The following AQR variants were observed in gnomAD, a reference collection of about 807,000 sequenced individuals.
AQR encodes the protein aquarius intron-binding spliceosomal factor, also known as RNA helicase aquarius.
A neutral mutation model predicts 180.5 loss-of-function variants in AQR; 61 were observed. The ratio of observed to expected loss-of-function variants is 0.34; its 90% CI spans 0.28 to 0.42. The LOEUF (loss-of-function observed/expected upper bound fraction) is 0.42. Ranked by LOEUF, AQR falls within the 10% of genes least tolerant of loss-of-function variation. The pLI is 1.00. For missense variants in AQR, 1,281 were observed against 1,798.3 expected (o/e 0.71, Z 5.20); for synonymous variants, 551 against 588.8 (o/e 0.94, Z 0.93).
chr15:34,901,668 T>C (rs997035420), intron 19 of AQR, among the ~76,000 whole-genome samples: 12 of 152,182 alleles, frequency 7.9e-5, no homozygotes, highest in Non-Finnish European at 1.6e-4. Flanking sequence ...AACGATAAGA[T>C]AGTATATGTT....
In AQR at chr15:34,932,086, G is replaced by A. The variant is rs190114986; in HGVS notation, c.900+232C>T. On this transcript the variant is annotated intron_variant, in intron 11 of 34. Transcript: ENST00000156471. ...TCAAAACTTGTGAACATGTGTGACTGTATTCCCCAAATCATAATTTAGTCC... is the reference window on the plus strand; with the variant it reads ...TCAAAACTTGTGAACATGTGTGACTATATTCCCCAAATCATAATTTAGTCC... Among the ~76,000 whole-genome samples, 9 of 152,226 alleles carry A rather than the reference G, an allele frequency of 5.9e-5. No homozygotes were observed. The East Asian group carries it at 1.7e-3, about 29-fold the overall frequency.
chr15:34,933,738 G>A lies in AQR; in HGVS notation c.783+833C>T, dbSNP rs569979451. Among the ~76,000 whole-genome samples, 10 of 152,152 alleles carry A rather than the reference G, an allele frequency of 6.6e-5. No individual in the cohort carries two copies. In the East Asian group the frequency reaches 1.9e-3, roughly 29 times the overall value. On this transcript the variant is annotated intron_variant, in intron 10 of 34. Transcript: ENST00000156471. The stretch of plus-strand genomic sequence containing the variant: ...GAGTCAGTCATTTGAAAACCTGAAG[G>A]GCCAATTACTTGTGACTTCCTTCTC...
chr15:34,875,892 C>CT, intron 28 of AQR, 43 bp downstream of exon 28: 3 of 1,488,342 alleles, frequency 2.0e-6, no homozygotes, highest in Non-Finnish European at 2.8e-6. Flanking sequence ...CCTCAGCATT[C>CT]TTAGAACTCT....
intron 3 of AQR, among the ~76,000 whole-genome samples, chr15:34,960,257 A>C (rs1465275085): frequency 2.0e-5 from 3 of 152,220 alleles, no homozygotes; most frequent in Non-Finnish European, 4.4e-5. Flanking sequence ...AAACATGTGA[A>C]GGCGTGGGGA....
chr15:34,944,578 T>C, intron 5 of AQR, 150 bp from the exon 6 acceptor site: 1 of 723,306 alleles, frequency 1.4e-6, no homozygotes, highest in Non-Finnish European at 2.1e-6. Flanking sequence ...ATCACGTGCT[T>C]ACTTATAATT....
At chr15:34,951,499 C>T (rs1406615546) in intron 4 of AQR, among the ~76,000 whole-genome samples, 5 of 151,872 alleles carry the variant, frequency 3.3e-5, no homozygotes, top group Non-Finnish European at 5.9e-5. Flanking sequence ...GGTGAAACCT[C>T]GTCTCTACTA....
At chr15:34,860,516 GTAAGT>G (rs1439157933) in intron 33 of AQR, among the ~76,000 whole-genome samples, 1 of 152,024 alleles carries the variant, frequency 6.6e-6, no homozygotes, top group Non-Finnish European at 1.5e-5. Flanking sequence ...TTTTGGGCTG[GTAAGT>G]TAAGTATGGG....
chr15:34,874,780 C>T lies in AQR; in HGVS notation c.3322G>A (p.Ala1108Thr), dbSNP rs1463313726. The T allele has an allele frequency of 6.2e-7, 1 of 1,613,834 alleles. No individual in the cohort carries two copies. Among genetic ancestry groups the T allele is most frequent in the South Asian group, 1.1e-5 (1 of 91,074 alleles). Residue 1108 changes from alanine (A) to threonine (T), a missense_variant, in exon 29 of 35, where the codon GCC becomes ACC. Ala to Thr is a moderately conservative substitution (Grantham distance 58). Around this residue, in one of 9 missense-constraint regions of AQR, gnomAD observed 197 missense variants for 320.7 expected, o/e 0.61. Coordinates refer to ENST00000156471, the MANE Select transcript of AQR (RefSeq NM_014691.3). ...TCCATGTTTGAGTACTTTTGAAAGGCCATGTTCTTAATAACTGGAGGTAAC... is the reference window on the plus strand; with the variant it reads ...TCCATGTTTGAGTACTTTTGAAAGGTCATGTTCTTAATAACTGGAGGTAAC... Reference protein sequence around the residue: ...HQLPPVIKNMAFQKYSNMEQS... With the variant: ...HQLPPVIKNMTFQKYSNMEQS...
chr15:34,948,451 C>A, intron 4 of AQR, 67 bp from the exon 5 acceptor site: 2 of 1,507,646 alleles, frequency 1.3e-6, no homozygotes, highest in South Asian at 2.5e-5. Flanking sequence ...CATAACTCAC[C>A]CAGAAAAGCA....
intron 3 of AQR, among the ~76,000 whole-genome samples, chr15:34,955,423 C>G (rs996946584): frequency 6.6e-6 from 1 of 152,140 alleles, no homozygotes; most frequent in African/African-American, 2.4e-5. Context: ...TCCCAACAAC[C>G]TCCTCTTTTC....
chr15:34,965,858 T>C (rs1595368585), intron 1 of AQR, among the ~76,000 whole-genome samples: 1 of 152,212 alleles, frequency 6.6e-6, no homozygotes, highest in South Asian at 2.1e-4. Flanking sequence ...TAACCTGTTA[T>C]GATGGACTCA....
At chr15:34,948,187 A>G in intron 5 of AQR, 77 bp downstream of exon 5, 1 of 1,511,900 alleles carries the variant, frequency 6.6e-7, no homozygotes, top group East Asian at 2.3e-5. Context: ...AAGCACCACT[A>G]TCAGTAAAAG....
At position 34,915,162 on chromosome 15, in the gene AQR, T is replaced by C; in HGVS notation, c.1360A>G (p.Lys454Glu). Residue 454 changes from lysine to glutamate, a missense_variant, in exon 16 of 35, where the codon AAA (lysine) becomes GAA (glutamate). Physicochemically the swap from Lys to Glu is moderately conservative, Grantham distance 56. Coordinates refer to ENST00000156471, the MANE Select transcript of AQR (RefSeq NM_014691.3). ...YSGEGCLALP[K>E]LNLQFLTLHD... ...AGAGTCAAAAACTGCAAATTCAATT[T>C]GGGAAGAGCAAGACAACCTGAAAAG... 2 of 1,598,576 alleles carry C rather than the reference T, an allele frequency of 1.3e-6. No individual in the cohort carries two copies. Among genetic ancestry groups the C allele is most frequent in the South Asian group, 1.1e-5 (1 of 87,328 alleles).
chr15:34,875,833 A>G (rs917905867), intron 28 of AQR, 102 bp downstream of exon 28: 3 of 835,728 alleles, frequency 3.6e-6, no homozygotes, highest in African/African-American at 3.4e-5. Flanking sequence ...AGGAAAATAC[A>G]TAACTATGGC....
At chr15:34,880,056 A>C (rs1021581842) in intron 27 of AQR, among the ~76,000 whole-genome samples, 1 of 152,212 alleles carries the variant, frequency 6.6e-6, no homozygotes, top group African/African-American at 2.4e-5. Flanking sequence ...TCCTGACAGA[A>C]CAAAAATGTA....
At chr15:34,864,683 GA>G (rs1467672792) in intron 32 of AQR, among the ~76,000 whole-genome samples, 1 of 152,110 alleles carries the variant, frequency 6.6e-6, no homozygotes, top group East Asian at 1.9e-4. Context: ...CTTACATCCA[GA>G]AGGCCCTATC....
intron 24 of AQR, among the ~76,000 whole-genome samples, chr15:34,889,145 T>G (rs1444404740): frequency 6.6e-6 from 1 of 152,206 alleles, no homozygotes; most frequent in Non-Finnish European, 1.5e-5. Context: ...GAGTCTAACC[T>G]ACCTTTGTAA....
chr15:34,895,159 C>CGAAAAAAAAAAAA (rs1893213752), intron 22 of AQR, among the ~76,000 whole-genome samples: 1 of 2,456 alleles, frequency 4.1e-4, no homozygotes. Flanking sequence ...AAGACTGTCT[C>CGAAAAAAAAAAAA]AAAAAAAAAA....
chr15:34,880,831 G>A (rs772521560), intron 27 of AQR, among the ~76,000 whole-genome samples: 3 of 152,116 alleles, frequency 2.0e-5, no homozygotes, highest in African/African-American at 7.2e-5. Context: ...TAGATGAAAA[G>A]GACAAAATCT....
Sources: gnomAD v4.1 joint callset for allele counts (sites outside exome capture counted in the v4.1 genomes callset) on GRCh38, gnomAD v4.1.1 for gene constraint, gnomAD v4.1.1 regional missense constraint, MANE v1.5 for transcripts, NCBI Gene and HGNC (gene_info 2026-07-23, HGNC 2026-07-21) for gene names.